PDZRN3: variants seen among roughly 807,000 people sequenced by gnomAD.
PDZRN3 encodes the protein E3 ubiquitin-protein ligase PDZRN3.
In PDZRN3, 38 loss-of-function variants were observed where a neutral mutation model predicts 85.7. The ratio of observed to expected loss-of-function variants is 0.44; its 90% CI spans 0.34 to 0.58. The LOEUF is 0.58. Ranked by LOEUF, PDZRN3 falls within the 20% of genes least tolerant of loss-of-function variation. The pLI is 0.01. For synonymous variants in PDZRN3, 759 were observed against 638.0 expected (o/e 1.19, Z -2.86); for missense variants, 1,629 against 1,506.4 (o/e 1.08, Z -1.35).
rs151302309 is a variant in PDZRN3, at chr3:73,501,462, T to A, written c.919-97067A>T. On this transcript the variant is annotated intron_variant, in intron 3 of 9. Transcript: ENST00000263666. ...CCCCCTTTCCCTATACAGGCCACTG[T>A]CATCACTCACCTTGACGACTGCAGA... 5.8e-3 allele frequency among the ~76,000 whole-genome samples: 890 copies of A among 152,294 alleles called. 5 individuals are homozygous for A. The highest frequency in any genetic ancestry group is 0.014 in the Middle Eastern group (4 of 294).
chr3:73,479,357 G>T (rs17703898), intron 3 of PDZRN3, among the ~76,000 whole-genome samples: 41,996 of 151,384 alleles, frequency 0.28, 7,323 homozygotes, highest in Non-Finnish European at 0.4. Context: ...GCATGGACAG[G>T]CTCCTTTTTG....
In PDZRN3 at chr3:73,610,653, G is replaced by A. The variant is rs563782493; in HGVS notation, c.724-1969C>T. Among the ~76,000 whole-genome samples, 122 of 152,262 alleles carry A rather than the reference G, an allele frequency of 8.0e-4. 1 individual carries two copies. The highest frequency in any genetic ancestry group is 2.7e-3 in the African/African-American group (112 of 41,570). On this transcript the variant is annotated intron_variant, in intron 1 of 9. Transcript: ENST00000263666. ...GTTATCTTACATATCTTACATGTCT[G>A]GCTTTCATAATTAATCAATGATAGA...
intron 2 of PDZRN3, among the ~76,000 whole-genome samples, chr3:73,605,095 T>C (rs1431851352): frequency 6.6e-6 from 1 of 151,896 alleles, no homozygotes; most frequent in Non-Finnish European, 1.5e-5. Flanking sequence ...TGGTCCCAGC[T>C]ACTTGGGAGG....
At chr3:73,436,032 C>T (rs923916018) in intron 3 of PDZRN3, among the ~76,000 whole-genome samples, 2 of 152,210 alleles carry the variant, frequency 1.3e-5, no homozygotes, top group Non-Finnish European at 2.9e-5. Context: ...CTGCTGGAAC[C>T]GCTCTTCCCT....
At chr3:73,415,983 C>T (rs1195167422) in intron 3 of PDZRN3, among the ~76,000 whole-genome samples, 2 of 132,088 alleles carry the variant, frequency 1.5e-5, no homozygotes, top group Non-Finnish European at 3.2e-5. Context: ...ACTTTCATCA[C>T]CAAAAAAAAA....
rs116639226 is a variant in PDZRN3 at position 73,467,461 on chromosome 3, T to C, written c.919-63066A>G. On this transcript the variant is annotated intron_variant, in intron 3 of 9. Coordinates refer to ENST00000263666, the MANE Select transcript of PDZRN3 (RefSeq NM_015009.3). Reference sequence around the variant, plus strand: ...CATTTCTTCTTTCCTGCCTAGATGTTCTACACAGCGATTCCCAGTAACACC... The same window carrying C: ...CATTTCTTCTTTCCTGCCTAGATGTCCTACACAGCGATTCCCAGTAACACC... Among the ~76,000 whole-genome samples the C allele has an allele frequency of 5.9e-3, 900 of 152,308 alleles. 12 individuals carry two copies. The highest frequency in any genetic ancestry group is 0.021 in the African/African-American group (855 of 41,542).
chr3:73,602,117 A>G (rs959909543), intron 3 of PDZRN3, among the ~76,000 whole-genome samples: 1 of 152,210 alleles, frequency 6.6e-6, no homozygotes, highest in African/African-American at 2.4e-5. Flanking sequence ...TGAGGTCCAC[A>G]TGAAAAAAGC....
intron 3 of PDZRN3, among the ~76,000 whole-genome samples, chr3:73,447,732 C>T (rs1013505205): frequency 2.0e-5 from 3 of 152,190 alleles, no homozygotes; most frequent in African/African-American, 7.2e-5. Flanking sequence ...GATTACTTAC[C>T]GGCGGAACTG....
chr3:73,527,159 T>C (rs1002650733), intron 3 of PDZRN3, among the ~76,000 whole-genome samples: 2 of 152,188 alleles, frequency 1.3e-5, no homozygotes, highest in Non-Finnish European at 2.9e-5. Context: ...TTTTACCTTC[T>C]GTGAAATGGG....
At chr3:73,432,114 T>G (rs1157191677) in intron 3 of PDZRN3, among the ~76,000 whole-genome samples, 1 of 152,244 alleles carries the variant, frequency 6.6e-6, no homozygotes, top group Non-Finnish European at 1.5e-5. Context: ...GCGTCAAAAG[T>G]CTGTAACAGA....
At chr3:73,479,028 T>G (rs1352849144) in intron 3 of PDZRN3, among the ~76,000 whole-genome samples, 2 of 152,254 alleles carry the variant, frequency 1.3e-5, no homozygotes, top group Non-Finnish European at 1.5e-5. Flanking sequence ...CAGCACTGAA[T>G]GAACATCTGT....
At chr3:73,386,590 G>T (rs1476775696) in intron 8 of PDZRN3, among the ~76,000 whole-genome samples, 3 of 152,160 alleles carry the variant, frequency 2.0e-5, no homozygotes, top group Non-Finnish European at 4.4e-5. Context: ...AATCCAGCCT[G>T]GTATTTTTAT....
intron 3 of PDZRN3, among the ~76,000 whole-genome samples, chr3:73,450,126 T>A (rs1404470024): frequency 1.3e-5 from 2 of 152,244 alleles, no homozygotes; most frequent in Non-Finnish European, 2.9e-5. Context: ...CTGCAAGTTC[T>A]AACAGCATTG....
At chr3:73,479,506 C>T (rs2106902222) in intron 3 of PDZRN3, among the ~76,000 whole-genome samples, 1 of 152,342 alleles carries the variant, frequency 6.6e-6, no homozygotes, top group South Asian at 2.1e-4. Flanking sequence ...TCAGGCCAGG[C>T]ACCTGTCGGA....
At chr3:73,600,331 A>ACTCTCTCTCTCT (rs1236234605) in intron 3 of PDZRN3, among the ~76,000 whole-genome samples, 3 of 85,956 alleles carry the variant, frequency 3.5e-5, no homozygotes, top group African/African-American at 1.5e-4. Context: ...ACACACACAC[A>ACTCTCTCTCTCT]CACACACTCT....
chr3:73,444,831 G>C (rs1284140573), intron 3 of PDZRN3, among the ~76,000 whole-genome samples: 1 of 152,224 alleles, frequency 6.6e-6, no homozygotes, highest in African/African-American at 2.4e-5. Context: ...TTGCAAGATG[G>C]AGGGAATACA....
intron 3 of PDZRN3, among the ~76,000 whole-genome samples, chr3:73,554,122 G>A (rs1188694596): frequency 2.6e-5 from 4 of 152,180 alleles, no homozygotes; most frequent in Admixed American, 1.3e-4. Flanking sequence ...GCCAAGGGCT[G>A]ATGTGGAGAA....
chr3:73,620,581 G>GTT (rs10650658), intron 1 of PDZRN3, among the ~76,000 whole-genome samples: 78,309 of 139,534 alleles, frequency 0.56, 22,158 homozygotes, highest in East Asian at 0.7. Context: ...GGTTTTTTTT[G>GTT]TTTTTTTTTT....
chr3:73,603,074 A>G (rs1702538953), intron 2 of PDZRN3, among the ~76,000 whole-genome samples: 6 of 152,258 alleles, frequency 3.9e-5, no homozygotes, highest in Admixed American at 3.9e-4. Flanking sequence ...TGTACATTTC[A>G]AAGATATTGC....
Sources: gnomAD v4.1 joint callset for allele counts (sites outside exome capture counted in the v4.1 genomes callset) on GRCh38, gnomAD v4.1.1 for gene constraint, MANE v1.5 for transcripts, NCBI Gene and HGNC (gene_info 2026-07-23, HGNC 2026-07-21) for gene names.